The following ABI3BP variants were observed in gnomAD, a reference collection of about 807,000 sequenced individuals.
ABI3BP encodes target of Nesh-SH3.
A neutral mutation model predicts 268.6 loss-of-function variants in ABI3BP; 216 were observed. The ratio of observed to expected loss-of-function variants is 0.80; its 90% CI spans 0.72 to 0.90. The LOEUF (loss-of-function observed/expected upper bound fraction) is 0.90. ABI3BP is among the 40% of genes least tolerant of loss of function. The pLI is 0.00. For synonymous variants in ABI3BP, 730 were observed against 730.0 expected (o/e 1.00, Z 0.00); for missense variants, 2,090 against 2,182.4 (o/e 0.96, Z 0.84).
chr3:100,974,993 C>T (rs947611605), intron 1 of ABI3BP, among the ~76,000 whole-genome samples: 2 of 151,946 alleles, frequency 1.3e-5, no homozygotes, highest in East Asian at 3.9e-4. Context: ...TAGACAGTCT[C>T]GGCAAAAAAG....
intron 1 of ABI3BP, among the ~76,000 whole-genome samples, chr3:100,984,711 T>C (rs974901441): frequency 6.6e-6 from 1 of 152,186 alleles, no homozygotes; most frequent in Non-Finnish European, 1.5e-5. Context: ...GCTAATATTA[T>C]ACGGAGTAGA....
At chr3:100,845,987 G>A (rs1009768824) in intron 20 of ABI3BP, among the ~76,000 whole-genome samples, 6 of 152,006 alleles carry the variant, frequency 3.9e-5, no homozygotes, top group Non-Finnish European at 7.4e-5. Context: ...CCTGAGAACT[G>A]AGAAACTCTA....
At chr3:100,766,439 A>G (rs1304127568) in intron 62 of ABI3BP, among the ~76,000 whole-genome samples, 1 of 152,256 alleles carries the variant, frequency 6.6e-6, no homozygotes, top group African/African-American at 2.4e-5. Context: ...TGAGCATCAC[A>G]GCACCAAATA....
At chr3:100,972,844 T>G (rs1392260990) in intron 1 of ABI3BP, among the ~76,000 whole-genome samples, 1 of 152,182 alleles carries the variant, frequency 6.6e-6, no homozygotes, top group African/African-American at 2.4e-5. Context: ...TTAACATTGG[T>G]TTTTAATCCC....
chr3:100,854,416 G>A (rs1050160618), intron 14 of ABI3BP, among the ~76,000 whole-genome samples: 1 of 152,098 alleles, frequency 6.6e-6, no homozygotes, highest in Non-Finnish European at 1.5e-5. Context: ...AGAGTTCTTT[G>A]AAAAGCTCCC....
chr3:100,964,875 C>G (rs1034000622), intron 1 of ABI3BP, among the ~76,000 whole-genome samples: 1 of 152,184 alleles, frequency 6.6e-6, no homozygotes, highest in Non-Finnish European at 1.5e-5. Context: ...CTGGTTGTAC[C>G]AGCCTCTCTT....
intron 32 of ABI3BP, among the ~76,000 whole-genome samples, chr3:100,830,102 C>CAT (rs2098458556): frequency 1.8e-5 from 1 of 56,226 alleles, no homozygotes; most frequent in African/African-American, 8.3e-5. Context: ...TACATACATA[C>CAT]ATACATACAT....
At chr3:100,893,872 G>C (rs1042374988) in intron 4 of ABI3BP, among the ~76,000 whole-genome samples, 3 of 152,250 alleles carry the variant, frequency 2.0e-5, no homozygotes, top group African/African-American at 7.2e-5. Context: ...TGGGAAAGAT[G>C]GGATCATGAG....
chr3:100,756,623 G>A (rs2095632530), intron 63 of ABI3BP, among the ~76,000 whole-genome samples: 1 of 152,280 alleles, frequency 6.6e-6, no homozygotes, highest in East Asian at 1.9e-4. Flanking sequence ...ATTCAAATGG[G>A]CAGTGCATTC....
intron 14 of ABI3BP, 99 bp from the exon 15 acceptor site, chr3:100,852,039 G>A (rs2098847154): frequency 3.6e-6 from 4 of 1,123,964 alleles, no homozygotes; most frequent in Non-Finnish European, 5.0e-6. Context: ...GCTGGTTGAA[G>A]GACAGTTTTA....
At chr3:100,774,520 TG>T in intron 61 of ABI3BP, 84 bp downstream of exon 61, 1 of 1,060,784 alleles carries the variant, frequency 9.4e-7, no homozygotes. Context: ...CTAAGATTTG[TG>T]GTTTTTTACA....
intron 61 of ABI3BP, among the ~76,000 whole-genome samples, chr3:100,774,291 A>G (rs2096638397): frequency 6.6e-6 from 1 of 152,208 alleles, no homozygotes; most frequent in East Asian, 1.9e-4. Flanking sequence ...TTGATTTTGC[A>G]TTATTACGAA....
At chr3:100,830,151 A>G (rs1417734763) in intron 32 of ABI3BP, among the ~76,000 whole-genome samples, 28 of 83,208 alleles carry the variant, frequency 3.4e-4, no homozygotes, top group African/African-American at 9.6e-4. Context: ...ATATATATAT[A>G]TATATATATA....
At chr3:100,787,175 T>C (rs1295622999) in intron 57 of ABI3BP, among the ~76,000 whole-genome samples, 6 of 152,086 alleles carry the variant, frequency 3.9e-5, no homozygotes, top group Admixed American at 3.9e-4. Context: ...TAATACTTAC[T>C]CCCAGAGATC....
chr3:100,778,585 T>C (rs2096778059), intron 58 of ABI3BP: 1 of 561,462 alleles, frequency 1.8e-6, no homozygotes, highest in Non-Finnish European at 3.1e-6. Flanking sequence ...AACAACGCAC[T>C]GTAGTATATA....
intron 63 of ABI3BP, among the ~76,000 whole-genome samples, chr3:100,764,248 C>G (rs115176883): frequency 6.6e-6 from 1 of 152,140 alleles, no homozygotes; most frequent in African/African-American, 2.4e-5. Flanking sequence ...TTTCTGATGA[C>G]GTTGCGTAGT....
chr3:100,947,877 T>C (rs941330667), intron 1 of ABI3BP, among the ~76,000 whole-genome samples: 1 of 152,140 alleles, frequency 6.6e-6, no homozygotes, highest in East Asian at 1.9e-4. Flanking sequence ...ATTGCGGGAC[T>C]GAGGTGCCCA....
intron 2 of ABI3BP, among the ~76,000 whole-genome samples, chr3:100,908,802 G>A (rs890859980): frequency 6.6e-5 from 10 of 152,158 alleles, no homozygotes; most frequent in Non-Finnish European, 1.5e-4. Flanking sequence ...TGGATAGGAA[G>A]AATCAATATT....
At chr3:100,899,244 A>C (rs1194993156) in intron 3 of ABI3BP, among the ~76,000 whole-genome samples, 1 of 152,202 alleles carries the variant, frequency 6.6e-6, no homozygotes, top group Non-Finnish European at 1.5e-5. Context: ...GAGTGAAATA[A>C]ACAAACACAC....
Sources: gnomAD v4.1 joint callset for allele counts (sites outside exome capture counted in the v4.1 genomes callset) on GRCh38, gnomAD v4.1.1 for gene constraint, MANE v1.5 for transcripts, NCBI Gene and HGNC (gene_info 2026-07-23, HGNC 2026-07-21) for gene names.